BMPR1B: variants seen among roughly 807,000 people sequenced by gnomAD.
BMPR1B encodes bone morphogenetic protein receptor type-1B.
A neutral mutation model predicts 59.1 loss-of-function variants in BMPR1B; 12 were observed. The observed-to-expected ratio is 0.20, with a 90% CI of 0.13 to 0.33. The LOEUF is 0.33. Among genes scored for constraint, BMPR1B ranks in the 10% least tolerant of loss-of-function variants. The pLI is 1.00. For synonymous variants in BMPR1B, 237 were observed against 207.3 expected (o/e 1.14, Z -1.23); for missense variants, 550 against 610.9 (o/e 0.90, Z 1.05).
intron 1 of BMPR1B, among the ~76,000 whole-genome samples, chr4:94,783,789 G>A (rs1578638559): frequency 1.3e-5 from 2 of 152,078 alleles, no homozygotes; most frequent in Non-Finnish European, 2.9e-5. Flanking sequence ...AGGGACTGGT[G>A]GAGGAAGGAA....
intron 6 of BMPR1B, among the ~76,000 whole-genome samples, chr4:95,120,707 CTCTCTCTCTT>C (rs1165093697): frequency 7.0e-6 from 1 of 142,576 alleles, no homozygotes; most frequent in East Asian, 2.0e-4. Flanking sequence ...CTCTTTCTCT[CTCTCTCTCTT>C]TCTCTCTCTC....
At chr4:95,108,479 G>C (rs1731353052) in intron 4 of BMPR1B, among the ~76,000 whole-genome samples, 1 of 152,080 alleles carries the variant, frequency 6.6e-6, no homozygotes, top group Non-Finnish European at 1.5e-5. Flanking sequence ...GGAGGCAAGA[G>C]TGAATAGTAC....
At chr4:94,972,226 C>T (rs973534514) in intron 2 of BMPR1B, among the ~76,000 whole-genome samples, 2 of 151,684 alleles carry the variant, frequency 1.3e-5, no homozygotes, top group Non-Finnish European at 2.9e-5. Context: ...AGAATAAAAT[C>T]TACTTAAAAT....
chr4:94,917,860 G>A (rs1728542194), intron 2 of BMPR1B, among the ~76,000 whole-genome samples: 1 of 152,162 alleles, frequency 6.6e-6, no homozygotes, highest in African/African-American at 2.4e-5. Flanking sequence ...CTGGAGGTGA[G>A]ACCTGGTGGG....
intron 1 of BMPR1B, among the ~76,000 whole-genome samples, chr4:94,843,931 T>C (rs545165829): frequency 6.6e-6 from 1 of 152,262 alleles, no homozygotes; most frequent in African/African-American, 2.4e-5. Flanking sequence ...CAGAAACTTC[T>C]AAGACATATG....
chr4:94,826,667 T>C (rs1385681679), intron 1 of BMPR1B, among the ~76,000 whole-genome samples: 2 of 86,998 alleles, frequency 2.3e-5, no homozygotes, highest in African/African-American at 1.7e-4. Context: ...TTAATAAAAA[T>C]GGAAACATGC....
intron 1 of BMPR1B, among the ~76,000 whole-genome samples, chr4:94,844,101 A>G (rs1195107464): frequency 2.6e-5 from 4 of 152,222 alleles, no homozygotes; most frequent in African/African-American, 9.6e-5. Context: ...CAGCATGGGG[A>G]CCATAGCTGA....
chr4:94,820,329 C>T (rs541643916), intron 1 of BMPR1B, among the ~76,000 whole-genome samples: 1 of 152,132 alleles, frequency 6.6e-6, no homozygotes, highest in Non-Finnish European at 1.5e-5. Context: ...GTAAAAGTCA[C>T]CCACAAAAAA....
chr4:94,875,728 A>C (rs1460221942), intron 1 of BMPR1B, 103 bp from the exon 2 acceptor site: 1 of 152,624 alleles, frequency 6.6e-6, no homozygotes, highest in Non-Finnish European at 1.5e-5. Context: ...CCATCCCCCA[A>C]TTCCATTATG....
chr4:94,970,570 C>T (rs1730751731), intron 2 of BMPR1B, among the ~76,000 whole-genome samples: 1 of 152,154 alleles, frequency 6.6e-6, no homozygotes, highest in South Asian at 2.1e-4. Flanking sequence ...GCCTTGGCCT[C>T]CCAAAGTACT....
intron 10 of BMPR1B, among the ~76,000 whole-genome samples, chr4:95,142,665 A>G (rs1162265515): frequency 1.3e-5 from 2 of 152,094 alleles, no homozygotes; most frequent in East Asian, 3.9e-4. Context: ...TCAATGAGGT[A>G]GAGCCACCTT....
At chr4:95,067,727 A>C (rs114219903) in intron 3 of BMPR1B, among the ~76,000 whole-genome samples, 46 of 152,214 alleles carry the variant, frequency 3.0e-4, no homozygotes, top group Non-Finnish European at 4.7e-4. Context: ...TAAGCATATA[A>C]TGACTTGAAG....
At chr4:94,952,146 TC>T (rs1729966754) in intron 2 of BMPR1B, among the ~76,000 whole-genome samples, 1 of 152,202 alleles carries the variant, frequency 6.6e-6, no homozygotes, top group Non-Finnish European at 1.5e-5. Context: ...GATTCTTCTC[TC>T]TTTTCTTCTT....
At chr4:94,979,047 T>C (rs1047443372) in intron 2 of BMPR1B, among the ~76,000 whole-genome samples, 1 of 152,052 alleles carries the variant, frequency 6.6e-6, no homozygotes, top group African/African-American at 2.4e-5. Flanking sequence ...CAATAGATTG[T>C]GCAGAAAATC....
intron 3 of BMPR1B, among the ~76,000 whole-genome samples, chr4:95,007,252 G>T (rs1722909920): frequency 6.6e-6 from 1 of 152,014 alleles, no homozygotes; most frequent in African/African-American, 2.4e-5. Context: ...ACCTCTAATA[G>T]ACTTTTTCAT....
intron 2 of BMPR1B, among the ~76,000 whole-genome samples, chr4:94,947,727 T>C (rs1729773681): frequency 6.6e-6 from 1 of 152,214 alleles, no homozygotes; most frequent in Non-Finnish European, 1.5e-5. Context: ...TAAGATTTAC[T>C]TACGTATTGT....
chr4:94,810,010 G>GT (rs1386063276), intron 1 of BMPR1B, among the ~76,000 whole-genome samples: 2 of 152,110 alleles, frequency 1.3e-5, no homozygotes, highest in Admixed American at 6.6e-5. Context: ...TGAATTTACA[G>GT]TTTTTTTGAC....
At chr4:95,032,686 G>T (rs190290257) in intron 3 of BMPR1B, among the ~76,000 whole-genome samples, 1 of 152,204 alleles carries the variant, frequency 6.6e-6, no homozygotes, top group Non-Finnish European at 1.5e-5. Flanking sequence ...CCATGTTGTA[G>T]TATGTGTCAG....
chr4:94,861,152 A>G (rs1725962620), intron 1 of BMPR1B, among the ~76,000 whole-genome samples: 1 of 152,156 alleles, frequency 6.6e-6, no homozygotes, highest in African/African-American at 2.4e-5. Flanking sequence ...GCTGCTGCTA[A>G]GGTGGCTTCA....
Sources: gnomAD v4.1 joint callset for allele counts (sites outside exome capture counted in the v4.1 genomes callset) on GRCh38, gnomAD v4.1.1 for gene constraint, MANE v1.5 for transcripts, NCBI Gene and HGNC (gene_info 2026-07-23, HGNC 2026-07-21) for gene names.